ZIC1: variants seen among roughly 807,000 people sequenced by gnomAD.
ZIC1 encodes the protein zinc finger protein ZIC 1.
ZIC1 carries 4 observed loss-of-function variants against 30.9 expected under a neutral mutation model. The observed-to-expected ratio is 0.13, with a 90% CI of 0.06 to 0.30. ZIC1 has a LOEUF of 0.30. ZIC1 is among the 10% of genes least tolerant of loss of function. The pLI, the probability that ZIC1 is intolerant of heterozygous loss-of-function variation, is 1.00. For missense variants in ZIC1, 441 were observed against 639.3 expected, an observed-to-expected ratio of 0.69 and a Z score of 3.34; for synonymous variants, 305 against 277.5, an observed-to-expected ratio of 1.10 and a Z score of -0.98.
rs1559969488 is a variant in ZIC1, at chr3:147,409,982, TC to T, written c.-126del. The T allele has an allele frequency of 5.9e-6, 6 of 1,015,862 alleles. No individual in the cohort carries two copies. Among genetic ancestry groups the T allele is most frequent in the South Asian group, 1.8e-5 (1 of 54,896 alleles). 62.9% of individuals were successfully genotyped at this position (1,015,862 alleles called of 1,614,324 possible). A position where few individuals can be genotyped will look rare whatever the true frequency, so the allele number is the denominator to read the frequency against. ...CTAGGACTTCGCGAGGTGGGTCGAC[TC>T]CCCCTCCCTCCTCCTCTTCTTCCTC... On this transcript the variant is annotated 5_prime_UTR_variant, in exon 1 of 3. Transcript: ENST00000282928.
chr3:147,411,060 C>T lies in ZIC1; in HGVS notation c.948C>T (p.Ser316=). ...GCTGTGGCAAGGTCTTCGCGCGCTCCGAGAATTTAAAGATCCACAAAAGGA... is the reference window on the plus strand; with the variant it reads ...GCTGTGGCAAGGTCTTCGCGCGCTCTGAGAATTTAAAGATCCACAAAAGGA... ...FPGCGKVFAR[S]ENLKIHKRTH... Residue 316 remains serine (S), a synonymous_variant, in exon 1 of 3, where the codon TCC becomes TCT. Transcript: ENST00000282928. The T allele has an allele frequency of 1.2e-6, 2 of 1,613,924 alleles. No individual in the cohort carries two copies. Among genetic ancestry groups the T allele is most frequent in the African/African-American group, 1.3e-5 (1 of 75,024 alleles).
chr3:147,412,756 T>C lies in ZIC1; in HGVS notation c.1146+75T>C, dbSNP rs1049391374. On this transcript the variant is annotated intron_variant, in intron 2 of 2. Transcript: ENST00000282928. The stretch of plus-strand genomic sequence containing the variant: ...TCTCGGCTTGGGGTCGGGCGGCGAG[T>C]GGCAGACAGGCGGTGGCGGGAGCCA... 9.0e-6 allele frequency: 14 copies of C among 1,547,754 alleles called. No individual in the cohort carries two copies. The African/African-American group carries it at 1.8e-4, about 20-fold the overall frequency.
rs1021614394 is a variant in ZIC1 at position 147,414,697 on chromosome 3, T to C, written c.*1146T>C. The C allele has an allele frequency of 6.5e-6, 1 of 152,776 alleles. No individual in the cohort carries two copies. The highest frequency in any genetic ancestry group is 1.5e-5 in the Non-Finnish European group (1 of 68,034). The allele number at this position is 152,776 out of a possible 1,614,324, so 9.5% of individuals were successfully genotyped here. A position where few individuals can be genotyped will look rare whatever the true frequency, so the allele number is the denominator to read the frequency against. On this transcript the variant is annotated 3_prime_UTR_variant, in exon 3 of 3. Coordinates refer to ENST00000282928, the MANE Select transcript of ZIC1 (RefSeq NM_003412.4). ...GTCACTGCAGGTCGTATAAACGTGA[T>C]AAATGAATGCTACCCTGCTGGCTCT...
In ZIC1 at chr3:147,410,043, C is replaced by A; in HGVS notation, c.-70C>A. On this transcript the variant is annotated 5_prime_UTR_variant, in exon 1 of 3. Coordinates refer to ENST00000282928, the MANE Select transcript of ZIC1 (RefSeq NM_003412.4). ...CTCCTCTTGTTCCTCCTCCTCCTCC[C>A]GATTTTCCCTCCTCGGCTGGCGAGG... 1 of 1,393,598 alleles carries A rather than the reference C, an allele frequency of 7.2e-7. No homozygotes were observed. The highest frequency in any genetic ancestry group is 9.3e-7 in the Non-Finnish European group (1 of 1,078,038). 86.3% of individuals were successfully genotyped at this position (1,393,598 alleles called of 1,614,324 possible).
In ZIC1 at chr3:147,413,625, G is replaced by A. The variant is rs2087403233; in HGVS notation, c.*74G>A. ...ACACGTATACACAACATTACTGAAAGAACCCTGCGAATCAAAACAACCCCC... is the reference window on the plus strand; with the variant it reads ...ACACGTATACACAACATTACTGAAAAAACCCTGCGAATCAAAACAACCCCC... On this transcript the variant is annotated 3_prime_UTR_variant, in exon 3 of 3. Transcript: ENST00000282928. 1 of 1,528,308 alleles carries A rather than the reference G, an allele frequency of 6.5e-7. No homozygotes were observed. Among genetic ancestry groups the A allele is most frequent in the Non-Finnish European group, 8.9e-7 (1 of 1,129,074 alleles). The allele number at this position is 1,528,308 out of a possible 1,614,324, so 94.7% of individuals were successfully genotyped here. A position where few individuals can be genotyped will look rare whatever the true frequency, so the allele number is the denominator to read the frequency against.
chr3:147,410,285 C>T lies in ZIC1; in HGVS notation c.173C>T (p.Ser58Leu). 6.2e-7 allele frequency: 1 copy of T among 1,600,328 alleles called. No individual in the cohort carries two copies. Among genetic ancestry groups the T allele is most frequent in the Non-Finnish European group, 8.5e-7 (1 of 1,179,538 alleles). The change falls in exon 1 of 3, where the codon TCG becomes TTG. Residue 58 changes from serine to leucine, a missense_variant. Physicochemically the swap from Ser to Leu is moderately radical, Grantham distance 145. Transcript: ENST00000282928. Reference sequence around the variant, plus strand: ...AACCCCAGTTCGCACGAGCTGGCTTCGGCCGGCCAGACGGCCTTCACGTCG... The same window carrying T: ...AACCCCAGTTCGCACGAGCTGGCTTTGGCCGGCCAGACGGCCTTCACGTCG... The part of the protein sequence containing the change: ...KLNPSSHELA[S>L]AGQTAFTSQA...
rs2087421663 is a variant in ZIC1 at position 147,414,972 on chromosome 3, G to A, written c.*1421G>A. The A allele has an allele frequency of 6.6e-6, 1 of 152,578 alleles. No individual in the cohort carries two copies. Among genetic ancestry groups the A allele is most frequent in the Non-Finnish European group, 1.5e-5 (1 of 68,026 alleles). 9.5% of individuals were successfully genotyped at this position (152,578 alleles called of 1,614,324 possible). A position where few individuals can be genotyped will look rare whatever the true frequency, so the allele number is the denominator to read the frequency against. ...ATTAAATTCCCCGGGCTGAAACTGA[G>A]TTGCAGATTTACAATATCATATTTT... On this transcript the variant is annotated 3_prime_UTR_variant, in exon 3 of 3. Transcript: ENST00000282928.
In ZIC1 at chr3:147,412,678, G is replaced by A. The variant is rs746175690; in HGVS notation, c.1143G>A (p.Met381Ile). 1 of 1,610,008 alleles carries A rather than the reference G, an allele frequency of 6.2e-7. No homozygotes were observed. The highest frequency in any genetic ancestry group is 8.5e-7 in the Non-Finnish European group (1 of 1,176,728). The change falls in exon 2 of 3, where the codon ATG becomes ATA. Residue 381 changes from methionine (M) to isoleucine (I), a missense_variant. Physicochemically the swap from Met to Ile is conservative, Grantham distance 10 (BLOSUM62 1). Around this residue, in one of 5 missense-constraint regions of ZIC1, gnomAD observed 31 missense variants for 65.2 expected, o/e 0.48. Coordinates refer to ENST00000282928, the MANE Select transcript of ZIC1 (RefSeq NM_003412.4). ...ATCCCAGTTCGCTGCGCAAACACAT[G>A]AAGGTAATCGCCGCACTCTCGTCGC... is the stretch of plus-strand genomic sequence containing the variant. Reference protein sequence around the residue: ...YTHPSSLRKHMKVHESSSQGS... With the variant: ...YTHPSSLRKHIKVHESSSQGS...
At position 147,410,967 on chromosome 3, in the gene ZIC1, C is replaced by T; in HGVS notation, c.855C>T (p.Ala285=). 1.9e-6 allele frequency: 3 copies of T among 1,614,240 alleles called. No homozygotes were observed. Among genetic ancestry groups the T allele is most frequent in the East Asian group, 4.5e-5 (2 of 44,880 alleles). ...ECPREGKPFK[A]KYKLVNHIRV... ...CGCGCGAGGGCAAGCCCTTCAAAGC[C>T]AAATACAAACTGGTTAACCACATCC... The change falls in exon 1 of 3, where the codon GCC becomes GCT. Residue 285 remains alanine (A), a synonymous_variant. Coordinates refer to ENST00000282928, the MANE Select transcript of ZIC1 (RefSeq NM_003412.4).
In ZIC1 at chr3:147,410,526, G is replaced by A. The variant is rs758167164; in HGVS notation, c.414G>A (p.Ala138=). Residue 138 remains alanine, a synonymous_variant, in exon 1 of 3, where the codon GCG becomes GCA. Coordinates refer to ENST00000282928, the MANE Select transcript of ZIC1 (RefSeq NM_003412.4). ...GCCCACACGGCCACACGGACGCCGC[G>A]GGCCACCTCCTCTTCCCCGGGCTTC... The part of the protein sequence containing the change: ...FGGPHGHTDA[A]GHLLFPGLHE... 9 of 1,608,910 alleles carry A rather than the reference G, an allele frequency of 5.6e-6. No individual in the cohort carries two copies. The highest frequency in any genetic ancestry group is 7.6e-6 in the Non-Finnish European group (9 of 1,178,952).
In ZIC1 at chr3:147,410,003, T is replaced by TTCCTCCTCTTCC; in HGVS notation, c.-99_-88dup. 6 of 1,202,402 alleles carry TTCCTCCTCTTCC rather than the reference T, an allele frequency of 5.0e-6. No homozygotes were observed. Among genetic ancestry groups the TTCCTCCTCTTCC allele is most frequent in the Non-Finnish European group, 6.6e-6 (6 of 902,552 alleles). 74.5% of individuals were successfully genotyped at this position (1,202,402 alleles called of 1,614,324 possible). Reference sequence around the variant, plus strand: ...CGACTCCCCCTCCCTCCTCCTCTTCTTCCTCCTCTTCCTCCTCCTCTTGTT... The same window carrying TTCCTCCTCTTCC: ...CGACTCCCCCTCCCTCCTCCTCTTCTTCCTCCTCTTCCTCCTCCTCTTCCTCCTCCTCTTGTT... On this transcript the variant is annotated 5_prime_UTR_variant, in exon 1 of 3. Transcript: ENST00000282928.
At position 147,413,318 on chromosome 3, in the gene ZIC1, C is replaced by CT. The variant is rs748559182; in HGVS notation, c.1147-33dup. The CT allele has an allele frequency of 6.2e-6, 10 of 1,601,260 alleles. No individual in the cohort carries two copies. In the East Asian group the frequency reaches 2.2e-4, roughly 36 times the overall value. On this transcript the variant is annotated intron_variant, in intron 2 of 2. Transcript: ENST00000282928. ...TCTCTAGTCGGCCGCCGCACTGGCT[C>CT]TTTATGTCCGTAAAAACGCGACTTT...
intron 1 of ZIC1, 135 bp downstream of exon 1, chr3:147,411,229 A>G (rs1167825005): frequency 1.6e-6 from 2 of 1,242,956 alleles, no homozygotes; most frequent in African/African-American, 3.0e-5. Context: ...AGGCAGGGAA[A>G]GTGTGCGCTG....
At chr3:147,411,342 G>A (rs780026502) in intron 1 of ZIC1, among the ~76,000 whole-genome samples, 2 of 152,214 alleles carry the variant, frequency 1.3e-5, no homozygotes, top group South Asian at 2.1e-4. Flanking sequence ...AACAAAAAAG[G>A]TCGGAGAACA....
chr3:147,410,780 A>G lies in ZIC1; in HGVS notation c.668A>G (p.Gln223Arg). Residue 223 changes from glutamine to arginine, a missense_variant, in exon 1 of 3, where the codon CAA becomes CGA. Physicochemically the swap from Gln to Arg is conservative, Grantham distance 43. This residue lies in a region of ZIC1 where 307 missense variants were observed against 355.3 expected (regional missense o/e 0.86). Transcript: ENST00000282928. Reference protein sequence around the residue: ...FFRYMRQPIKQELICKWIEPE... With the variant: ...FFRYMRQPIKRELICKWIEPE... The stretch of plus-strand genomic sequence containing the variant: ...CGCTACATGCGCCAACCCATCAAGC[A>G]AGAGCTCATCTGCAAGTGGATCGAG... 6.2e-7 allele frequency: 1 copy of G among 1,614,254 alleles called. No individual in the cohort carries two copies. Among genetic ancestry groups the G allele is most frequent in the Non-Finnish European group, 8.5e-7 (1 of 1,180,044 alleles).
chr3:147,409,833 G>T lies in ZIC1; in HGVS notation c.-280G>T. On this transcript the variant is annotated 5_prime_UTR_variant, in exon 1 of 3. Transcript: ENST00000282928. ...CAGAGACTGAGCGGCGAGAAAGTGC[G>T]AGCCGGGCCGGCAGAATCTGCCTGG... 2.2e-6 allele frequency: 1 copy of T among 461,444 alleles called. No homozygotes were observed. The highest frequency in any genetic ancestry group is 3.8e-5 in the South Asian group (1 of 26,374). The allele number at this position is 461,444 out of a possible 1,614,324, so 28.6% of individuals were successfully genotyped here.
In ZIC1 at chr3:147,410,456, G is replaced by A. The variant is rs1369072869; in HGVS notation, c.344G>A (p.Ser115Asn). ...RGFGDAAAAASAQHSLFAASA... is the reference protein window; with the variant it reads ...RGFGDAAAAANAQHSLFAASA... ...TTTGGCGACGCGGCGGCGGCAGCCA[G>A]CGCACAGCACAGCCTCTTTGCTGCA... The change falls in exon 1 of 3, where the codon AGC (serine) becomes AAC (asparagine). Residue 115 changes from serine to asparagine, a missense_variant. This residue lies in a region of ZIC1 where 307 missense variants were observed against 355.3 expected (regional missense o/e 0.86). Transcript: ENST00000282928. 6.2e-7 allele frequency: 1 copy of A among 1,604,022 alleles called. No homozygotes were observed. The highest frequency in any genetic ancestry group is 8.5e-7 in the Non-Finnish European group (1 of 1,179,264).
chr3:147,410,052 C>A lies in ZIC1; in HGVS notation c.-61C>A. The A allele has an allele frequency of 7.0e-7, 1 of 1,418,760 alleles. No homozygotes were observed. The highest frequency in any genetic ancestry group is 1.5e-5 in the African/African-American group (1 of 66,548). The allele number at this position is 1,418,760 out of a possible 1,614,324, so 87.9% of individuals were successfully genotyped here. A position where few individuals can be genotyped will look rare whatever the true frequency, so the allele number is the denominator to read the frequency against. ...TTCCTCCTCCTCCTCCCGATTTTCC[C>A]TCCTCGGCTGGCGAGGGTGGGGGGG... On this transcript the variant is annotated 5_prime_UTR_variant, in exon 1 of 3. Coordinates refer to ENST00000282928, the MANE Select transcript of ZIC1 (RefSeq NM_003412.4).
Position 147,410,544 on chromosome 3 carries a change from C to T in ZIC1, c.432C>T (p.Pro144=), listed in dbSNP as rs748064677. 6.2e-7 allele frequency: 1 copy of T among 1,610,424 alleles called. No homozygotes were observed. The highest frequency in any genetic ancestry group is 8.5e-7 in the Non-Finnish European group (1 of 1,179,140). ...HTDAAGHLLF[P]GLHEQAAGHA... The stretch of plus-strand genomic sequence containing the variant: ...ACGCCGCGGGCCACCTCCTCTTCCC[C>T]GGGCTTCACGAGCAGGCTGCCGGCC... Residue 144 remains proline, a synonymous_variant, in exon 1 of 3, where the codon CCC becomes CCT. Coordinates refer to ENST00000282928, the MANE Select transcript of ZIC1 (RefSeq NM_003412.4).
Sources: allele counts gnomAD v4.1 joint callset (sites outside exome capture counted in the v4.1 genomes callset), GRCh38; gene constraint gnomAD v4.1.1; regional missense constraint gnomAD v4.1.1; transcripts MANE v1.5; gene names NCBI Gene and HGNC (gene_info 2026-07-23, HGNC 2026-07-21).